The following DAO variants were observed in gnomAD, a reference collection of about 807,000 sequenced individuals.
DAO encodes D-amino acid oxidase.
A neutral mutation model predicts 50.1 loss-of-function variants in DAO; 51 were observed. That is an observed-to-expected ratio of 1.02 (90% CI 0.81 to 1.29). The LOEUF is 1.29. Among genes scored for constraint, DAO ranks in the 50% most tolerant of loss-of-function variants. The pLI, the probability that DAO is intolerant of heterozygous loss-of-function variation, is 0.00. For missense variants in DAO, 436 were observed against 439.4 expected (o/e 0.99, Z 0.07); for synonymous variants, 160 against 166.2 (o/e 0.96, Z 0.29).
At chr12:108,884,194 C>A (rs547538796) in intron 1 of DAO, among the ~76,000 whole-genome samples, 2 of 152,256 alleles carry the variant, frequency 1.3e-5, no homozygotes, top group Non-Finnish European at 2.9e-5. Context: ...CTGTCATGCT[C>A]ATAGCTGCAT....
chr12:108,896,935 C>G (rs2039566584), intron 7 of DAO, 71 bp from the exon 8 acceptor site: 3 of 1,159,862 alleles, frequency 2.6e-6, no homozygotes, highest in Non-Finnish European at 3.9e-6. Flanking sequence ...GACATCTGGC[C>G]ACAGAGGGGA....
At chr12:108,885,487 G>A (rs959344214) in intron 2 of DAO, among the ~76,000 whole-genome samples, 3 of 152,116 alleles carry the variant, frequency 2.0e-5, no homozygotes, top group African/African-American at 7.2e-5. Flanking sequence ...GCGCACACCT[G>A]TAATCCCAGC....
Position 108,885,137 on chromosome 12 carries a change from C to T in DAO, c.131C>T (p.Thr44Ile), listed in dbSNP as rs758185258. The T allele has an allele frequency of 1.9e-6, 3 of 1,613,424 alleles. No individual in the cohort carries two copies. The highest frequency in any genetic ancestry group is 3.3e-5 in the Admixed American group (2 of 59,998). ...GCGGACCGCTTCACCCCACTCACCA[C>T]CACCGACGTGGCTGCCGGCCTCTGG... ...VYADRFTPLT[T>I]TDVAAGLWQP... The change falls in exon 2 of 11, where the codon ACC (threonine) becomes ATC (isoleucine). Residue 44 changes from threonine to isoleucine, a missense_variant. Transcript: ENST00000228476.
At position 108,897,104 on chromosome 12, in the gene DAO, T is replaced by G; in HGVS notation, c.695+16T>G. On this transcript the variant is annotated intron_variant, in intron 8 of 10. Coordinates refer to ENST00000228476, the MANE Select transcript of DAO (RefSeq NM_001917.5). ...TCATCCCAGGGTAAAATTGGACTGT[T>G]CTCGGGCAGAAGAGTGGTCCCCTTC... The G allele has an allele frequency of 1.9e-6, 3 of 1,596,146 alleles. No homozygotes were observed. The highest frequency in any genetic ancestry group is 8.6e-7 in the Non-Finnish European group (1 of 1,163,860).
chr12:108,887,620 G>T, intron 3 of DAO, 56 bp downstream of exon 3: 10 of 1,284,258 alleles, frequency 7.8e-6, no homozygotes, highest in Non-Finnish European at 1.1e-5. Flanking sequence ...GGGTAGTGAG[G>T]GTGGGTGCAG....
chr12:108,883,339 G>T (rs1026771318), intron 1 of DAO, among the ~76,000 whole-genome samples: 1 of 152,170 alleles, frequency 6.6e-6, no homozygotes, highest in Non-Finnish European at 1.5e-5. Context: ...GTAGAGATGG[G>T]GTTTCACCAT....
rs386377704 is a variant in DAO, at chr12:108,896,419, C to CAAAAA, written c.613-568_613-564dup. Among the ~76,000 whole-genome samples the CAAAAA allele has an allele frequency of 9.8e-3, 580 of 59,464 alleles. 42 individuals carry two copies. Among genetic ancestry groups the CAAAAA allele is most frequent in the Admixed American group, 0.093 (440 of 4,710 alleles). 39.0% of individuals were successfully genotyped at this position (59,464 alleles called of 152,430 possible). A position where few individuals can be genotyped will look rare whatever the true frequency, so the allele number is the denominator to read the frequency against. ...GCCTGGCAACAGAGCGAGGCTGTCTCAAAAAAAAAAAAAAAAAAAAAAATT... is the reference window on the plus strand; with the variant it reads ...GCCTGGCAACAGAGCGAGGCTGTCTCAAAAAAAAAAAAAAAAAAAAAAAAAAAATT... On this transcript the variant is annotated intron_variant, in intron 7 of 10. Coordinates refer to ENST00000228476, the MANE Select transcript of DAO (RefSeq NM_001917.5).
chr12:108,896,419 C>CAAAAAAAAAAAAAAAAAAAAAAAAAA (rs386377704), intron 7 of DAO, among the ~76,000 whole-genome samples: 21 of 59,544 alleles, frequency 3.5e-4, no homozygotes, highest in African/African-American at 1.3e-3. Flanking sequence ...GAGGCTGTCT[C>CAAAAAAAAAAAAAAAAAAAAAAAAAA]AAAAAAAAAA....
At chr12:108,891,944 C>A (rs1052308746) in intron 5 of DAO, among the ~76,000 whole-genome samples, 3 of 151,888 alleles carry the variant, frequency 2.0e-5, no homozygotes, top group African/African-American at 7.3e-5. Flanking sequence ...TAATTATCAG[C>A]CATGTTTGGG....
intron 5 of DAO, among the ~76,000 whole-genome samples, chr12:108,891,148 T>A (rs2039486660): frequency 6.6e-6 from 1 of 152,138 alleles, no homozygotes; most frequent in Non-Finnish European, 1.5e-5. Flanking sequence ...TATATATTAC[T>A]GTTTTTTAAA....
intron 1 of DAO, chr12:108,883,708 G>T: frequency 2.3e-6 from 1 of 430,956 alleles, no homozygotes; most frequent in South Asian, 1.6e-5. Context: ...TCCCTGAGAG[G>T]GGCTGTCCCC....
rs148370266 is a variant in DAO, at chr12:108,880,182, C to T, written c.-52C>T. Reference sequence around the variant, plus strand: ...CTCAGGAAATAGCATCCTGTGTCCCCGCACTGCAGTTGTCTGGTCTCTCCA... The same window carrying T: ...CTCAGGAAATAGCATCCTGTGTCCCTGCACTGCAGTTGTCTGGTCTCTCCA... On this transcript the variant is annotated 5_prime_UTR_variant, in exon 1 of 11. Coordinates refer to ENST00000228476, the MANE Select transcript of DAO (RefSeq NM_001917.5). The T allele has an allele frequency of 4.8e-5, 22 of 455,328 alleles. No homozygotes were observed. The highest frequency in any genetic ancestry group is 4.2e-4 in the East Asian group (6 of 14,386). The allele number at this position is 455,328 out of a possible 1,614,324, so 28.2% of individuals were successfully genotyped here. A position where few individuals can be genotyped will look rare whatever the true frequency, so the allele number is the denominator to read the frequency against.
chr12:108,892,894 TG>T (rs1451903188), intron 5 of DAO, 87 bp from the exon 6 acceptor site: 7 of 1,175,870 alleles, frequency 6.0e-6, no homozygotes, highest in Non-Finnish European at 9.0e-6. Context: ...CGCAGAAGGT[TG>T]TTTGGGAAAG....
chr12:108,890,712 G>T (rs1003996196), intron 5 of DAO, among the ~76,000 whole-genome samples: 1 of 151,860 alleles, frequency 6.6e-6, no homozygotes, highest in Admixed American at 6.6e-5. Context: ...GCTTTGACTT[G>T]TTCCTCATGT....
intron 7 of DAO, among the ~76,000 whole-genome samples, chr12:108,895,734 GGT>G (rs57751386): frequency 0.15 from 20,768 of 143,056 alleles, 2,296 homozygotes; most frequent in African/African-American, 0.32. Flanking sequence ...TGCATGTGAG[GGT>G]GTGTGTGTGC....
intron 1 of DAO, chr12:108,880,465 C>T (rs1012362808): frequency 7.0e-6 from 2 of 284,634 alleles, no homozygotes; most frequent in African/African-American, 2.2e-5. Context: ...CCTCTTACAG[C>T]GTGAGTCTGA....
At chr12:108,890,420 G>T (rs371003052) in intron 5 of DAO, 147 bp downstream of exon 5, 18 of 692,636 alleles carry the variant, frequency 2.6e-5, no homozygotes, top group African/African-American at 2.3e-4. Context: ...CCTTGGTCCT[G>T]ATCACCGCTG....
At chr12:108,887,047 G>A (rs2039443366) in intron 2 of DAO, among the ~76,000 whole-genome samples, 1 of 152,170 alleles carries the variant, frequency 6.6e-6, no homozygotes, top group Non-Finnish European at 1.5e-5. Context: ...GGGGGAGGAG[G>A]AAAAGTTGTA....
At position 108,894,501 on chromosome 12, in the gene DAO, G is replaced by A; in HGVS notation, c.612+134G>A. ...CCCCCGGACTGCAGGGAATTGACAT[G>A]TAAAAAAAACAAACCTGTCCCACCC... On this transcript the variant is annotated intron_variant, in intron 7 of 10. Coordinates refer to ENST00000228476, the MANE Select transcript of DAO (RefSeq NM_001917.5). The A allele has an allele frequency of 5.2e-6, 4 of 770,334 alleles. No individual in the cohort carries two copies. The South Asian group carries it at 6.7e-5, about 13-fold the overall frequency. 47.7% of individuals were successfully genotyped at this position (770,334 alleles called of 1,614,324 possible).
Sources: allele counts gnomAD v4.1 joint callset (sites outside exome capture counted in the v4.1 genomes callset), GRCh38; gene constraint gnomAD v4.1.1; transcripts MANE v1.5; gene names NCBI Gene and HGNC (gene_info 2026-07-23, HGNC 2026-07-21).